BCL2: variants seen among roughly 807,000 people sequenced by gnomAD.
The protein encoded by BCL2 is apoptosis regulator Bcl-2.
BCL2 carries 1 observed loss-of-function variant against 14.2 expected under a neutral mutation model. That is an observed-to-expected ratio of 0.07 (90% CI 0.02 to 0.33). BCL2 has a LOEUF of 0.33. Ranked by LOEUF, BCL2 falls within the 10% of genes least tolerant of loss-of-function variation. The pLI, the probability that BCL2 is intolerant of heterozygous loss-of-function variation, is 0.99. For missense variants in BCL2, 247 were observed against 305.9 expected, an observed-to-expected ratio of 0.81 and a Z score of 1.44; for synonymous variants, 151 against 137.2, an observed-to-expected ratio of 1.10 and a Z score of -0.70.
At chr18:63,320,073 A>AGCGGCGGGCGGGAGC (rs1259677252), upstream of BCL2, 63 of 144,718 alleles carry the variant, frequency 4.4e-4, no homozygotes, top group Middle Eastern at 0.01. Flanking sequence ...GGCCACGGAG[A>AGCGGCGGGCGGGAGC]GCGGCGGGCG....
intron 2 of BCL2, among the ~76,000 whole-genome samples, chr18:63,145,073 C>A (rs1192212949): frequency 6.6e-6 from 1 of 152,172 alleles, no homozygotes; most frequent in Non-Finnish European, 1.5e-5. Context: ...AAAAGCCCTC[C>A]TATTTACAGG....
At chr18:63,319,946 C>T (rs888982805), upstream of BCL2, 36 of 161,028 alleles carry the variant, frequency 2.2e-4, no homozygotes, top group Middle Eastern at 2.8e-3. Flanking sequence ...GCGCTGGCTA[C>T]GGCCGCCTCC....
intron 2 of BCL2, among the ~76,000 whole-genome samples, chr18:63,218,731 CTCCACTCATCT>C (rs1910289642): frequency 2.0e-5 from 1 of 50,678 alleles, no homozygotes; most frequent in Non-Finnish European, 4.5e-5. Flanking sequence ...CCTCCCCATC[CTCCACTCATCT>C]CCATCCTCCA....
chr18:63,129,471 G>A (rs543581304), intron 2 of BCL2, among the ~76,000 whole-genome samples: 2 of 152,026 alleles, frequency 1.3e-5, no homozygotes, highest in South Asian at 4.2e-4. Flanking sequence ...TAGAGATAGG[G>A]TCTTACTATA....
Position 63,187,579 on chromosome 18 carries a change from T to G in BCL2, c.586-58820A>C, listed in dbSNP as rs1915619750. Reference sequence around the variant, plus strand: ...CCTACACCCACCCCACTTATCCTAATGGGTTGAAAATACCAGGAAAAACTT... The same window carrying G: ...CCTACACCCACCCCACTTATCCTAAGGGGTTGAAAATACCAGGAAAAACTT... On this transcript the variant is annotated intron_variant, in intron 2 of 2. Coordinates refer to ENST00000333681, the MANE Select transcript of BCL2 (RefSeq NM_000633.3). Among the ~76,000 whole-genome samples the G allele has an allele frequency of 3.3e-5, 5 of 152,204 alleles. No homozygotes were observed. The South Asian group carries it at 1.0e-3, about 32-fold the overall frequency.
At chr18:63,139,311 T>C (rs1347396860) in intron 2 of BCL2, among the ~76,000 whole-genome samples, 1 of 152,262 alleles carries the variant, frequency 6.6e-6, no homozygotes, top group African/African-American at 2.4e-5. Context: ...ATAGTTATGC[T>C]ATTTGGTTCA....
intron 2 of BCL2, among the ~76,000 whole-genome samples, chr18:63,195,645 T>C (rs766411309): frequency 1.1e-4 from 17 of 152,274 alleles, no homozygotes; most frequent in Non-Finnish European, 2.4e-4. Flanking sequence ...TATGTTTTTA[T>C]GAATAGACTA....
intron 2 of BCL2, among the ~76,000 whole-genome samples, chr18:63,210,766 T>C (rs1273416373): frequency 6.6e-6 from 1 of 152,154 alleles, no homozygotes; most frequent in East Asian, 1.9e-4. Flanking sequence ...TTTAAAGATC[T>C]TTCCATTCAC....
intron 2 of BCL2, among the ~76,000 whole-genome samples, chr18:63,312,022 C>T (rs1913339485): frequency 6.6e-6 from 1 of 152,216 alleles, no homozygotes; most frequent in Admixed American, 6.5e-5. Flanking sequence ...CTTTTCTCTG[C>T]ACAGGTTAAA....
intron 2 of BCL2, among the ~76,000 whole-genome samples, chr18:63,183,493 A>T (rs1915523882): frequency 6.6e-6 from 1 of 152,146 alleles, no homozygotes; most frequent in Non-Finnish European, 1.5e-5. Context: ...TCCTCATGAG[A>T]GACAGCTGCA....
chr18:63,287,931 A>G (rs527936032), intron 2 of BCL2, among the ~76,000 whole-genome samples: 32 of 152,152 alleles, frequency 2.1e-4, no homozygotes, highest in Non-Finnish European at 3.8e-4. Context: ...AGATGAGAAA[A>G]CCAAGTTGAA....
At chr18:63,195,519 T>TG (rs1248476013) in intron 2 of BCL2, among the ~76,000 whole-genome samples, 1 of 152,184 alleles carries the variant, frequency 6.6e-6, no homozygotes, top group African/African-American at 2.4e-5. Context: ...TCTTGAACCA[T>TG]GAAAGTGAAA....
rs1383007929 is a variant in BCL2, at chr18:63,123,593, AG to A, written c.*5031del. On this transcript the variant is annotated 3_prime_UTR_variant, in exon 3 of 3. Transcript: ENST00000333681. ...CTTAAAAAGAGCCATGGAAGGTAAA[AG>A]TATGAAAATCTTGATAACAAAAGCT... 9.5e-6 allele frequency: 2 copies of A among 210,554 alleles called. No individual in the cohort carries two copies. The highest frequency in any genetic ancestry group is 4.5e-5 in the African/African-American group (2 of 44,000). The allele number at this position is 210,554 out of a possible 1,614,324, so 13.0% of individuals were successfully genotyped here.
chr18:63,206,590 C>G (rs968276297), intron 2 of BCL2, among the ~76,000 whole-genome samples: 1 of 152,354 alleles, frequency 6.6e-6, no homozygotes, highest in Middle Eastern at 3.4e-3. Flanking sequence ...CTGAGACTGA[C>G]CATCCAGAAT....
At chr18:63,290,338 C>T (rs781319789) in intron 2 of BCL2, among the ~76,000 whole-genome samples, 7 of 151,652 alleles carry the variant, frequency 4.6e-5, no homozygotes, top group East Asian at 1.9e-4. Context: ...ACAGACGATA[C>T]GGAAGCTGTG....
chr18:63,191,878 A>G (rs1185702661), intron 2 of BCL2, among the ~76,000 whole-genome samples: 1 of 152,244 alleles, frequency 6.6e-6, no homozygotes, highest in Non-Finnish European at 1.5e-5. Context: ...TATGAAATTA[A>G]AAAAGAAAAT....
chr18:63,319,856 C>T (rs1298116570), upstream of BCL2: 1 of 178,278 alleles, frequency 5.6e-6, no homozygotes, highest in Non-Finnish European at 1.2e-5. Flanking sequence ...CCCCCTGGAC[C>T]CCCTCTTCCG....
rs1913949348 is a variant in BCL2, at chr18:63,127,774, T to A, written c.*851A>T. ...AGTTCCAGAGGATTCTGTTTCTTACTCAGACAGAGCCAGTATTGGGAGTTG... is the reference window on the plus strand; with the variant it reads ...AGTTCCAGAGGATTCTGTTTCTTACACAGACAGAGCCAGTATTGGGAGTTG... On this transcript the variant is annotated 3_prime_UTR_variant, in exon 3 of 3. Coordinates refer to ENST00000333681, the MANE Select transcript of BCL2 (RefSeq NM_000633.3). 4.4e-6 allele frequency: 1 copy of A among 225,752 alleles called. No homozygotes were observed. Among genetic ancestry groups the A allele is most frequent in the Non-Finnish European group, 8.8e-6 (1 of 113,254 alleles). The allele number at this position is 225,752 out of a possible 1,614,324, so 14.0% of individuals were successfully genotyped here.
intron 2 of BCL2, among the ~76,000 whole-genome samples, chr18:63,201,696 A>G (rs1485806188): frequency 6.6e-6 from 1 of 152,212 alleles, no homozygotes; most frequent in Non-Finnish European, 1.5e-5. Flanking sequence ...ATGAAACTGG[A>G]AACCATCATT....
Sources: allele counts gnomAD v4.1 joint callset (sites outside exome capture counted in the v4.1 genomes callset), GRCh38; gene constraint gnomAD v4.1.1; transcripts MANE v1.5; gene names NCBI Gene and HGNC (gene_info 2026-07-23, HGNC 2026-07-21).